CNTN4: variants seen among roughly 807,000 people sequenced by gnomAD.
CNTN4 encodes the protein contactin 4.
In CNTN4, 77 loss-of-function variants were observed where a neutral mutation model predicts 122.5. That is an observed-to-expected ratio of 0.63 (90% CI 0.52 to 0.76). CNTN4 has a LOEUF of 0.76. CNTN4 is among the 30% of genes least tolerant of loss of function. The probability of loss-of-function intolerance (pLI) is 0.00; values close to 1 mark genes in which losing one functional copy is unlikely to be tolerated. For synonymous variants in CNTN4, 512 were observed against 447.0 expected (o/e 1.15, Z -1.83); for missense variants, 1,256 against 1,259.1 (o/e 1.00, Z 0.04).
intron 7 of CNTN4, among the ~76,000 whole-genome samples, chr3:2,844,737 G>A (rs1053244922): frequency 5.9e-5 from 9 of 152,162 alleles, no homozygotes; most frequent in African/African-American, 2.2e-4. Context: ...AAATTATATG[G>A]TCTAATCAGC....
chr3:2,469,899 G>A (rs2075626342), intron 3 of CNTN4, among the ~76,000 whole-genome samples: 1 of 152,104 alleles, frequency 6.6e-6, no homozygotes, highest in African/African-American at 2.4e-5. Flanking sequence ...TTTTGCAGGA[G>A]GAGGCACAAG....
intron 4 of CNTN4, among the ~76,000 whole-genome samples, chr3:2,684,010 C>G (rs979109563): frequency 6.6e-6 from 1 of 152,126 alleles, no homozygotes; most frequent in African/African-American, 2.4e-5. Context: ...AAAGAATCAA[C>G]CTTACAGGCA....
chr3:2,574,440 G>A (rs2079568479), intron 4 of CNTN4, among the ~76,000 whole-genome samples: 2 of 151,948 alleles, frequency 1.3e-5, no homozygotes, highest in African/African-American at 4.8e-5. Flanking sequence ...ATACAAGCAG[G>A]CTCATCCTGC....
chr3:2,341,282 G>C (rs1239060884), intron 3 of CNTN4, among the ~76,000 whole-genome samples: 1 of 152,096 alleles, frequency 6.6e-6, no homozygotes, highest in African/African-American at 2.4e-5. Flanking sequence ...CTTCCCTCTT[G>C]TGCCAACATC....
At chr3:2,295,071 C>G (rs1224061281) in intron 2 of CNTN4, among the ~76,000 whole-genome samples, 2 of 151,572 alleles carry the variant, frequency 1.3e-5, no homozygotes, top group African/African-American at 4.9e-5. Flanking sequence ...TTAATCCAGT[C>G]TATCATTGAT....
intron 7 of CNTN4, among the ~76,000 whole-genome samples, chr3:2,837,028 A>T (rs912218113): frequency 1.3e-5 from 2 of 152,244 alleles, no homozygotes; most frequent in African/African-American, 4.8e-5. Flanking sequence ...GTGATGATAC[A>T]TGAAGGTTCA....
intron 3 of CNTN4, among the ~76,000 whole-genome samples, chr3:2,521,343 T>TCGCCCTC (rs781282977): frequency 1.6e-5 from 2 of 128,306 alleles, no homozygotes; most frequent in African/African-American, 3.1e-5. Context: ...CCTCTACCCA[T>TCGCCCTC]CCCCCCCACC....
chr3:2,666,786 T>C (rs2084193553), intron 4 of CNTN4, among the ~76,000 whole-genome samples: 1 of 133,008 alleles, frequency 7.5e-6, no homozygotes, highest in Non-Finnish European at 1.6e-5. Context: ...ATGTTCCCTT[T>C]CCTGTGTCCA....
chr3:2,759,344 C>T (rs1356788767), intron 6 of CNTN4, among the ~76,000 whole-genome samples: 2 of 152,034 alleles, frequency 1.3e-5, no homozygotes, highest in African/African-American at 4.8e-5. Context: ...TCAGTAGAGA[C>T]AGGGTTTCAC....
intron 7 of CNTN4, among the ~76,000 whole-genome samples, chr3:2,865,654 C>T (rs540288679): frequency 4.6e-5 from 7 of 152,150 alleles, no homozygotes; most frequent in African/African-American, 1.7e-4. Flanking sequence ...ACTTCTCCAG[C>T]TTTGGACAAA....
intron 4 of CNTN4, among the ~76,000 whole-genome samples, chr3:2,614,682 G>C (rs1448456989): frequency 6.6e-6 from 1 of 152,070 alleles, no homozygotes; most frequent in East Asian, 1.9e-4. Flanking sequence ...TAGGAAGCAG[G>C]TTCACTGAGG....
chr3:2,791,885 T>G (rs1053136321), intron 6 of CNTN4, among the ~76,000 whole-genome samples: 2 of 152,130 alleles, frequency 1.3e-5, no homozygotes, highest in Non-Finnish European at 2.9e-5. Flanking sequence ...TCTGTGTGTC[T>G]GTCTAATCTC....
intron 23 of CNTN4, among the ~76,000 whole-genome samples, chr3:3,046,891 C>A (rs1317635752): frequency 2.2e-5 from 3 of 138,030 alleles, no homozygotes; most frequent in Non-Finnish European, 4.8e-5. Flanking sequence ...GTCTCACGTG[C>A]AGGGACACAC....
intron 2 of CNTN4, among the ~76,000 whole-genome samples, chr3:2,146,973 T>C (rs1462267315): frequency 2.0e-5 from 3 of 152,050 alleles, no homozygotes; most frequent in African/African-American, 7.2e-5. Context: ...CTCTGCCTCC[T>C]GGGTTCAAGC....
At chr3:2,399,688 G>A (rs933267009) in intron 3 of CNTN4, among the ~76,000 whole-genome samples, 2 of 151,944 alleles carry the variant, frequency 1.3e-5, no homozygotes, top group African/African-American at 2.4e-5. Flanking sequence ...TACTATGTTC[G>A]AGTATGATAT....
At chr3:2,787,099 A>G (rs1050767859) in intron 6 of CNTN4, among the ~76,000 whole-genome samples, 5 of 152,312 alleles carry the variant, frequency 3.3e-5, no homozygotes, top group Non-Finnish European at 7.4e-5. Flanking sequence ...AAAATCGGCC[A>G]GGCGCGGTGG....
intron 4 of CNTN4, among the ~76,000 whole-genome samples, chr3:2,579,375 G>A (rs773662963): frequency 6.6e-6 from 1 of 152,196 alleles, no homozygotes; most frequent in Non-Finnish European, 1.5e-5. Context: ...TGAGGATGAC[G>A]GGAGCAGGAA....
At chr3:2,430,360 T>C (rs913329954) in intron 3 of CNTN4, among the ~76,000 whole-genome samples, 11 of 149,530 alleles carry the variant, frequency 7.4e-5, no homozygotes, top group Non-Finnish European at 1.5e-4. Flanking sequence ...AGGCGGAGCT[T>C]GCAGTGAGCC....
intron 3 of CNTN4, among the ~76,000 whole-genome samples, chr3:2,537,177 T>A (rs2077844799): frequency 6.6e-6 from 1 of 152,094 alleles, no homozygotes. Context: ...TAGTGCATGT[T>A]TTCATACACT....
Sources: gnomAD v4.1 joint callset for allele counts (sites outside exome capture counted in the v4.1 genomes callset) on GRCh38, gnomAD v4.1.1 for gene constraint, MANE v1.5 for transcripts, NCBI Gene and HGNC (gene_info 2026-07-23, HGNC 2026-07-21) for gene names.